GRIK4: variants seen among roughly 807,000 people sequenced by gnomAD.
GRIK4 encodes glutamate ionotropic receptor kainate type subunit 4.
A neutral mutation model predicts 104.9 loss-of-function variants in GRIK4; 40 were observed. The ratio of observed to expected loss-of-function variants is 0.38; its 90% confidence interval spans 0.30 to 0.50. GRIK4 has a LOEUF of 0.50. GRIK4 is among the 20% of genes least tolerant of loss of function. GRIK4 has a pLI of 0.93. For synonymous variants in GRIK4, 485 were observed against 524.9 expected, an observed-to-expected ratio of 0.92 and a Z score of 1.04; for missense variants, 1,047 against 1,308.1, an observed-to-expected ratio of 0.80 and a Z score of 3.08.
chr11:120,722,941 G>A (rs1950960447), intron 3 of GRIK4, among the ~76,000 whole-genome samples: 2 of 152,200 alleles, frequency 1.3e-5, no homozygotes, highest in Non-Finnish European at 2.9e-5. Flanking sequence ...TTTAAAAGGG[G>A]TGGTAACTAA....
At chr11:120,954,602 A>G (rs1944090260) in intron 15 of GRIK4, among the ~76,000 whole-genome samples, 1 of 152,088 alleles carries the variant, frequency 6.6e-6, no homozygotes, top group African/African-American at 2.4e-5. Flanking sequence ...GAGAGCAGAT[A>G]CATACAAGCC....
At chr11:120,634,305 T>G (rs1949368848) in intron 1 of GRIK4, among the ~76,000 whole-genome samples, 1 of 152,120 alleles carries the variant, frequency 6.6e-6, no homozygotes, top group African/African-American at 2.4e-5. Context: ...GCTGAGACCC[T>G]ACTCAGTGCC....
At chr11:120,630,534 A>G (rs1351248027) in intron 1 of GRIK4, among the ~76,000 whole-genome samples, 1 of 152,142 alleles carries the variant, frequency 6.6e-6, no homozygotes, top group Non-Finnish European at 1.5e-5. Context: ...GTGAAATGCA[A>G]AGAAAAGCAG....
At chr11:120,616,768 C>T (rs1431409063) in intron 1 of GRIK4, among the ~76,000 whole-genome samples, 1 of 152,190 alleles carries the variant, frequency 6.6e-6, no homozygotes, top group Non-Finnish European at 1.5e-5. Context: ...TCAGATTTTA[C>T]AAGATAACCC....
At chr11:120,930,275 A>AT (rs900086381) in intron 13 of GRIK4, among the ~76,000 whole-genome samples, 1 of 152,172 alleles carries the variant, frequency 6.6e-6, no homozygotes, top group Non-Finnish European at 1.5e-5. Context: ...TTTATGTTAA[A>AT]TTTTTTCAAA....
intron 1 of GRIK4, among the ~76,000 whole-genome samples, chr11:120,554,692 G>A (rs939371992): frequency 3.3e-5 from 5 of 152,090 alleles, no homozygotes; most frequent in African/African-American, 9.7e-5. Flanking sequence ...CAGAGCAGCT[G>A]GGATTACAGA....
chr11:120,674,971 A>G (rs1950076259), intron 3 of GRIK4, among the ~76,000 whole-genome samples: 1 of 152,320 alleles, frequency 6.6e-6, no homozygotes, highest in South Asian at 2.1e-4. Flanking sequence ...CACCTCCTGG[A>G]GCTGCTGGAG....
intron 8 of GRIK4, among the ~76,000 whole-genome samples, chr11:120,849,280 G>C (rs1953923737): frequency 2.0e-5 from 3 of 152,100 alleles, no homozygotes; most frequent in Non-Finnish European, 4.4e-5. Flanking sequence ...GACTACTGTG[G>C]TTCAATATCT....
At position 120,940,298 on chromosome 11, in the gene GRIK4, C is replaced by T; in HGVS notation, c.1477-49C>T. The T allele has an allele frequency of 8.6e-7, 1 of 1,164,764 alleles. No homozygotes were observed. The highest frequency in any genetic ancestry group is 1.3e-6 in the Non-Finnish European group (1 of 780,476). 72.2% of individuals were successfully genotyped at this position (1,164,764 alleles called of 1,614,324 possible). ...GGTTGCTGGTCGCAAGTCTCTGTGCCTCTTCTCCTATGGCCACCCCACTGA... is the reference window on the plus strand; with the variant it reads ...GGTTGCTGGTCGCAAGTCTCTGTGCTTCTTCTCCTATGGCCACCCCACTGA... On this transcript the variant is annotated intron_variant, in intron 13 of 20. Coordinates refer to ENST00000527524, the MANE Select transcript of GRIK4 (RefSeq NM_014619.5). The surrounding 1 kb of genome is among the most constrained non-coding windows in gnomAD (Gnocchi z 4.3).
At chr11:120,770,351 G>A (rs1230649738) in intron 3 of GRIK4, among the ~76,000 whole-genome samples, 2 of 152,210 alleles carry the variant, frequency 1.3e-5, no homozygotes, top group African/African-American at 4.8e-5. Flanking sequence ...CAGCAAAACT[G>A]GGAAGTCACC....
chr11:120,667,742 C>A (rs747730042), intron 3 of GRIK4, among the ~76,000 whole-genome samples: 18 of 152,210 alleles, frequency 1.2e-4, no homozygotes, highest in Non-Finnish European at 1.9e-4. Flanking sequence ...CCCATTAAAC[C>A]CACACTGATG....
intron 1 of GRIK4, among the ~76,000 whole-genome samples, chr11:120,577,827 CTTAGTGAGGAAAGTGGT>C (rs1271391026): frequency 6.6e-5 from 10 of 152,120 alleles, no homozygotes; most frequent in Admixed American, 6.5e-4. Flanking sequence ...TGGCTGAGGG[CTTAGTGAGGAAAGTGGT>C]GTTGGAGCAG....
intron 1 of GRIK4, among the ~76,000 whole-genome samples, chr11:120,540,504 C>T (rs986091489): frequency 1.4e-3 from 213 of 152,164 alleles, no homozygotes; most frequent in African/African-American, 4.8e-3. Flanking sequence ...ATCCCAGCTA[C>T]TTGGGAGGCT....
At chr11:120,691,929 C>G (rs933896354) in intron 3 of GRIK4, among the ~76,000 whole-genome samples, 1 of 152,232 alleles carries the variant, frequency 6.6e-6, no homozygotes, top group Admixed American at 6.5e-5. Context: ...ATTTTCTCCA[C>G]TGGTGGATGC....
intron 1 of GRIK4, among the ~76,000 whole-genome samples, chr11:120,602,781 C>T (rs955282450): frequency 6.6e-6 from 1 of 152,210 alleles, no homozygotes; most frequent in Non-Finnish European, 1.5e-5. Context: ...TAGCTCACTG[C>T]AGCCTTGGAC....
intron 3 of GRIK4, among the ~76,000 whole-genome samples, chr11:120,663,738 A>T (rs989401760): frequency 4.6e-5 from 7 of 152,004 alleles, no homozygotes; most frequent in Non-Finnish European, 8.8e-5. Flanking sequence ...TGCTCTCCCT[A>T]TAGTGCTCTT....
At chr11:120,823,769 A>G (rs1177283117) in intron 6 of GRIK4, among the ~76,000 whole-genome samples, 1 of 152,242 alleles carries the variant, frequency 6.6e-6, no homozygotes, top group Non-Finnish European at 1.5e-5. Context: ...GTTCTGGAGC[A>G]GATGTGCCTG....
chr11:120,793,918 C>A (rs1185736477), intron 3 of GRIK4, among the ~76,000 whole-genome samples: 5 of 86,758 alleles, frequency 5.8e-5, no homozygotes, highest in African/African-American at 9.7e-5. Flanking sequence ...GAGAGCCAGG[C>A]GGTGTTTAGG....
intron 11 of GRIK4, among the ~76,000 whole-genome samples, chr11:120,875,515 C>G (rs1421625493): frequency 6.6e-6 from 1 of 152,142 alleles, no homozygotes; most frequent in African/African-American, 2.4e-5. Flanking sequence ...GGGGAATTCC[C>G]AGGGAGGATT....
Sources: gnomAD v4.1 joint callset for allele counts (sites outside exome capture counted in the v4.1 genomes callset) on GRCh38, gnomAD v4.1.1 for gene constraint, Gnocchi (gnomAD v3.1) non-coding constraint, MANE v1.5 for transcripts, NCBI Gene and HGNC (gene_info 2026-07-23, HGNC 2026-07-21) for gene names.